Variants in RBFOX1 observed in about 807,000 individuals in gnomAD.
RBFOX1 encodes RNA binding protein fox-1 homolog 1.
Under a neutral mutation model 57.7 loss-of-function variants are expected in RBFOX1, and 8 were observed. That is an observed-to-expected ratio of 0.14 (90% CI 0.08 to 0.25). RBFOX1 has a LOEUF of 0.25. Ranked by LOEUF, RBFOX1 falls within the 10% of genes least tolerant of loss-of-function variation. The pLI, the probability that RBFOX1 is intolerant of heterozygous loss-of-function variation, is 1.00. For missense variants in RBFOX1, 611 were observed against 548.5 expected (o/e 1.11, Z -1.14); for synonymous variants, 326 against 222.4 (o/e 1.47, Z -4.15).
At chr16:6,694,788 GC>G (rs2060770171) in intron 3 of RBFOX1, among the ~76,000 whole-genome samples, 1 of 152,144 alleles carries the variant, frequency 6.6e-6, no homozygotes. Flanking sequence ...CAGGGCAAGG[GC>G]TTTTCCGTGC....
intron 2 of RBFOX1, among the ~76,000 whole-genome samples, chr16:6,526,508 A>G (rs2153810963): frequency 6.6e-6 from 1 of 152,228 alleles, no homozygotes; most frequent in South Asian, 2.1e-4. Flanking sequence ...GATGCTTTAT[A>G]CACAATATCT....
intron 2 of RBFOX1, among the ~76,000 whole-genome samples, chr16:5,560,802 C>T (rs772362311): frequency 2.0e-5 from 3 of 152,154 alleles, no homozygotes; most frequent in Non-Finnish European, 4.4e-5. Context: ...ATATACTTTG[C>T]AGTCCTTTTA....
At chr16:5,983,505 T>G (rs1278481269) in intron 4 of RBFOX1, among the ~76,000 whole-genome samples, 1 of 152,020 alleles carries the variant, frequency 6.6e-6, no homozygotes, top group Non-Finnish European at 1.5e-5. Flanking sequence ...TACGGTGGGG[T>G]AGGCGGGGAA....
chr16:7,690,999 G>C (rs1232933441), intron 14 of RBFOX1, among the ~76,000 whole-genome samples: 1 of 152,060 alleles, frequency 6.6e-6, no homozygotes, highest in African/African-American at 2.4e-5. Flanking sequence ...CATTGTTCAG[G>C]GAAGTAGTGA....
At chr16:7,182,007 C>G (rs1017344896) in intron 4 of RBFOX1, among the ~76,000 whole-genome samples, 2 of 152,192 alleles carry the variant, frequency 1.3e-5, no homozygotes, top group Non-Finnish European at 2.9e-5. Context: ...ACCACTGATT[C>G]CACCAATCTA....
At chr16:6,948,316 C>G (rs1598105744) in intron 3 of RBFOX1, among the ~76,000 whole-genome samples, 1 of 149,436 alleles carries the variant, frequency 6.7e-6, no homozygotes, top group South Asian at 2.1e-4. Flanking sequence ...AAAATAAAGC[C>G]AGGTAATGGA....
intron 1 of RBFOX1, among the ~76,000 whole-genome samples, chr16:6,245,463 C>A (rs1184573797): frequency 1.3e-5 from 2 of 152,126 alleles, no homozygotes; most frequent in Admixed American, 6.5e-5. Flanking sequence ...AGAGTGCAGA[C>A]CCTGGACCAG....
intron 4 of RBFOX1, among the ~76,000 whole-genome samples, chr16:7,419,137 G>C (rs928212096): frequency 1.1e-4 from 16 of 152,128 alleles, no homozygotes; most frequent in African/African-American, 3.9e-4. Flanking sequence ...GGAACTCCTG[G>C]GCTCAAGCAG....
At chr16:5,640,544 A>G (rs867011913) in intron 3 of RBFOX1, among the ~76,000 whole-genome samples, 19 of 151,744 alleles carry the variant, frequency 1.3e-4, no homozygotes, top group South Asian at 4.2e-4. Context: ...ACACATGCAC[A>G]TACATGCATG....
chr16:6,701,707 C>G (rs949337484), intron 3 of RBFOX1, among the ~76,000 whole-genome samples: 1 of 152,128 alleles, frequency 6.6e-6, no homozygotes, highest in East Asian at 1.9e-4. Flanking sequence ...AACCTGAATG[C>G]CCATCAGCAG....
intron 3 of RBFOX1, among the ~76,000 whole-genome samples, chr16:6,899,692 G>C (rs375967445): frequency 6.6e-6 from 1 of 152,182 alleles, no homozygotes; most frequent in Admixed American, 6.5e-5. Context: ...TATCTCTACA[G>C]ATTTTCTCGC....
At chr16:5,814,551 A>G (rs79485958) in intron 3 of RBFOX1, among the ~76,000 whole-genome samples, 3,074 of 152,290 alleles carry the variant, frequency 0.02, 129 homozygotes, top group African/African-American at 0.07. Context: ...AGGCCACACA[A>G]CTTGCCCAAG....
chr16:5,899,600 G>A (rs1302940291), intron 4 of RBFOX1, among the ~76,000 whole-genome samples: 2 of 152,226 alleles, frequency 1.3e-5, no homozygotes, highest in Non-Finnish European at 2.9e-5. Context: ...AAGTAGCCAA[G>A]CTGAGCAAGA....
At chr16:5,484,634 C>T (rs976659935) in intron 2 of RBFOX1, among the ~76,000 whole-genome samples, 15 of 152,210 alleles carry the variant, frequency 9.9e-5, no homozygotes, top group East Asian at 1.9e-4. Flanking sequence ...TTAAAATGGC[C>T]GGGTGTGGTG....
intron 1 of RBFOX1, among the ~76,000 whole-genome samples, chr16:5,289,901 C>A (rs1596407935): frequency 6.6e-6 from 1 of 152,200 alleles, no homozygotes; most frequent in East Asian, 1.9e-4. Flanking sequence ...AAATATATGT[C>A]CATGCAGAAA....
At chr16:7,136,124 G>A (rs550843360) in intron 4 of RBFOX1, among the ~76,000 whole-genome samples, 1 of 152,278 alleles carries the variant, frequency 6.6e-6, no homozygotes, top group Non-Finnish European at 1.5e-5. Flanking sequence ...GAGATTGGCT[G>A]GAAATGGTTT....
At chr16:6,945,444 G>A (rs148865979) in intron 3 of RBFOX1, among the ~76,000 whole-genome samples, 10 of 150,522 alleles carry the variant, frequency 6.6e-5, no homozygotes, top group East Asian at 2.0e-4. Context: ...AGATTTTATC[G>A]TTTTAAAGAA....
chr16:7,470,842 G>C (rs1209804581), intron 4 of RBFOX1, among the ~76,000 whole-genome samples: 1 of 151,998 alleles, frequency 6.6e-6, no homozygotes, highest in Non-Finnish European at 1.5e-5. Flanking sequence ...AACACACCAG[G>C]TTAAAGTAGC....
intron 3 of RBFOX1, among the ~76,000 whole-genome samples, chr16:6,926,466 T>C (rs1203209526): frequency 6.6e-6 from 1 of 152,100 alleles, no homozygotes; most frequent in Non-Finnish European, 1.5e-5. Context: ...ATGTAGATAG[T>C]AGGTTCAGTG....
Sources: allele counts gnomAD v4.1 joint callset (sites outside exome capture counted in the v4.1 genomes callset), GRCh38; gene constraint gnomAD v4.1.1; transcripts MANE v1.5; gene names NCBI Gene and HGNC (gene_info 2026-07-23, HGNC 2026-07-21).